TUSC3: variants seen among roughly 807,000 people sequenced by gnomAD.
TUSC3 encodes tumor suppressor candidate 3, also known as dolichyl-diphosphooligosaccharide--protein glycosyltransferase subunit TUSC3.
TUSC3 carries 45 observed loss-of-function variants against 44.8 expected under a neutral mutation model. The ratio of observed to expected loss-of-function variants is 1.00; its 90% CI spans 0.79 to 1.29. TUSC3 has a LOEUF of 1.29. TUSC3 is among the 50% of genes most tolerant of loss of function. The pLI, the probability that TUSC3 is intolerant of heterozygous loss-of-function variation, is 0.00. For synonymous variants in TUSC3, 212 were observed against 152.9 expected, an observed-to-expected ratio of 1.39 and a Z score of -2.85; for missense variants, 519 against 437.9, an observed-to-expected ratio of 1.19 and a Z score of -1.65.
intron 1 of TUSC3, among the ~76,000 whole-genome samples, chr8:15,614,906 A>G (rs1409123071): frequency 2.0e-5 from 3 of 148,888 alleles, no homozygotes; most frequent in Non-Finnish European, 4.4e-5. Flanking sequence ...GTATACAAGT[A>G]CAGCTATTCA....
chr8:15,474,683 C>T lies in TUSC3; in HGVS notation n.92-8703C>T, dbSNP rs145955112. 5.1e-4 allele frequency among the ~76,000 whole-genome samples: 77 copies of T among 152,192 alleles called. 1 individual carries two copies. The highest frequency in any genetic ancestry group is 1.3e-3 in the African/African-American group (56 of 41,530). ...GATCACACTTTTTAACAAGTTAATA[C>T]GTATATTTGTTTTCTCTTAAAAAAA... On this transcript the variant is annotated intron_variant and non_coding_transcript_variant, in intron 1 of 5. Transcript: ENST00000503191.
intron 2 of TUSC3, among the ~76,000 whole-genome samples, chr8:15,645,677 G>C (rs1806593945): frequency 1.3e-5 from 2 of 152,044 alleles, no homozygotes; most frequent in Non-Finnish European, 2.9e-5. Flanking sequence ...TTCAACATTT[G>C]TTATGAAATT....
the TUSC3 span, chr8:15,807,243 T>C: frequency 1.5e-5 from 10 of 649,000 alleles, no homozygotes; most frequent in Non-Finnish European, 2.8e-5. Context: ...CCCCCAGGCA[T>C]TATGCTCTTC....
At chr8:15,735,920 G>C (rs1401811382) in intron 7 of TUSC3, among the ~76,000 whole-genome samples, 1 of 150,886 alleles carries the variant, frequency 6.6e-6, no homozygotes, top group Non-Finnish European at 1.5e-5. Context: ...AGTAGAGACG[G>C]GGTTTCACTG....
intron 1 of TUSC3, among the ~76,000 whole-genome samples, chr8:15,566,980 A>T (rs1195632761): frequency 6.6e-6 from 1 of 152,128 alleles, no homozygotes; most frequent in Non-Finnish European, 1.5e-5. Flanking sequence ...CTTAGTGATA[A>T]CCACCAGGAG....
At chr8:15,833,842 T>TA in the TUSC3 span, among the ~76,000 whole-genome samples, 21 of 148,956 alleles carry the variant, frequency 1.4e-4, no homozygotes, top group South Asian at 6.4e-4. Context: ...ACTTAAAAGT[T>TA]AAAAAAAAAA....
chr8:15,463,393 G>T lies in TUSC3; in HGVS notation n.92-19993G>T, dbSNP rs191270013. Among the ~76,000 whole-genome samples the T allele has an allele frequency of 1.4e-4, 21 of 152,094 alleles. 1 individual carries two copies. The highest frequency in any genetic ancestry group is 4.8e-4 in the African/African-American group (20 of 41,520). On this transcript the variant is annotated intron_variant and non_coding_transcript_variant, in intron 1 of 5. Transcript: ENST00000503191. ...CATAGAATAGTCTCAACATAAACAT[G>T]GGAAAATTATTATGTTGTGGTCAAA...
chr8:15,505,307 C>A lies in TUSC3; in HGVS notation n.189+21824C>A, dbSNP rs73665421. ...CTGTCAATTGTCAAAAAGAAAAAAACCCAGAATGCTGTTCTGATGGCCAGA... is the reference window on the plus strand; with the variant it reads ...CTGTCAATTGTCAAAAAGAAAAAAAACCAGAATGCTGTTCTGATGGCCAGA... On this transcript the variant is annotated intron_variant and non_coding_transcript_variant, in intron 2 of 5. Coordinates refer to the TUSC3 transcript ENST00000503191. Among the ~76,000 whole-genome samples the A allele has an allele frequency of 8.8e-3, 1,335 of 152,296 alleles. 20 individuals are homozygous for A. Among genetic ancestry groups the A allele is most frequent in the African/African-American group, 0.031 (1,284 of 41,554 alleles).
intron 2 of TUSC3, among the ~76,000 whole-genome samples, chr8:15,499,232 G>T (rs896614920): frequency 3.9e-5 from 6 of 152,148 alleles, no homozygotes; most frequent in African/African-American, 1.4e-4. Flanking sequence ...TCTCTTACCT[G>T]AAATTATTTA....
downstream of TUSC3, among the ~76,000 whole-genome samples, chr8:15,771,450 A>G (rs1812437636): frequency 6.6e-6 from 1 of 152,156 alleles, no homozygotes; most frequent in South Asian, 2.1e-4. Flanking sequence ...ATACAAAGAA[A>G]TGAAAAACAT....
At chr8:15,447,128 A>T (rs1800116274) in intron 1 of TUSC3, among the ~76,000 whole-genome samples, 1 of 152,154 alleles carries the variant, frequency 6.6e-6, no homozygotes, top group Non-Finnish European at 1.5e-5. Flanking sequence ...CATAATAAGT[A>T]TACCTAAATT....
chr8:15,470,450 G>T (rs895552377), intron 1 of TUSC3, among the ~76,000 whole-genome samples: 1 of 152,060 alleles, frequency 6.6e-6, no homozygotes, highest in African/African-American at 2.4e-5. Context: ...TATGGGCTTT[G>T]GTTGATAATG....
intron 6 of TUSC3, among the ~76,000 whole-genome samples, chr8:15,702,728 CT>C (rs1164977859): frequency 1.7e-4 from 26 of 152,084 alleles, no homozygotes; most frequent in Non-Finnish European, 3.4e-4. Flanking sequence ...GAAGTATTAC[CT>C]TTTTTTCTGT....
the TUSC3 span, among the ~76,000 whole-genome samples, chr8:15,802,615 G>A: frequency 6.6e-6 from 1 of 151,772 alleles, no homozygotes; most frequent in African/African-American, 2.4e-5. Context: ...TTTTCCTCAA[G>A]AGGGGCATGG....
At chr8:15,566,042 T>G (rs745314663) in intron 1 of TUSC3, among the ~76,000 whole-genome samples, 1 of 152,116 alleles carries the variant, frequency 6.6e-6, no homozygotes, top group Non-Finnish European at 1.5e-5. Flanking sequence ...TGATTCAGAG[T>G]AGTACATTTT....
chr8:15,419,030 A>G (rs1358758173), intron 1 of TUSC3, among the ~76,000 whole-genome samples: 1 of 152,122 alleles, frequency 6.6e-6, no homozygotes, highest in Non-Finnish European at 1.5e-5. Flanking sequence ...AAAAAGAATT[A>G]AAGGTTAAAA....
chr8:15,715,411 T>G (rs746714691), intron 6 of TUSC3, among the ~76,000 whole-genome samples: 19 of 152,212 alleles, frequency 1.2e-4, no homozygotes, highest in Middle Eastern at 3.4e-3. Flanking sequence ...CTGTGATCTG[T>G]CAACCTGATA....
At chr8:15,484,739 TGC>T (rs1243815495) in intron 2 of TUSC3, among the ~76,000 whole-genome samples, 5 of 152,318 alleles carry the variant, frequency 3.3e-5, no homozygotes, top group Admixed American at 1.3e-4. Flanking sequence ...AAGCTGAAAC[TGC>T]GCAAAGCAAT....
chr8:15,497,776 G>A (rs1193043294), intron 2 of TUSC3, among the ~76,000 whole-genome samples: 2 of 148,550 alleles, frequency 1.3e-5, no homozygotes, highest in Non-Finnish European at 3.0e-5. Flanking sequence ...ACAAAGTCTC[G>A]CTCTGTCTCC....
Sources: allele counts gnomAD v4.1 joint callset (sites outside exome capture counted in the v4.1 genomes callset), GRCh38; gene constraint gnomAD v4.1.1; transcripts MANE v1.5; gene names NCBI Gene and HGNC (gene_info 2026-07-23, HGNC 2026-07-21).